Variants in SPON1 observed in about 807,000 individuals in gnomAD.
The protein encoded by SPON1 is spondin 1.
In SPON1, 52 loss-of-function variants were observed where a neutral mutation model predicts 111.7. That is an observed-to-expected ratio of 0.47 (90% confidence interval 0.37 to 0.59). The LOEUF (loss-of-function observed/expected upper bound fraction) is 0.59. SPON1 is among the 20% of genes least tolerant of loss of function. The pLI is 0.00. For synonymous variants in SPON1, 410 were observed against 395.8 expected (o/e 1.04, Z -0.43); for missense variants, 957 against 1,068.5 (o/e 0.90, Z 1.46).
At chr11:14,106,919 GAA>G in intron 5 of SPON1, among the ~76,000 whole-genome samples, 1 of 152,262 alleles carries the variant, frequency 6.6e-6, no homozygotes, top group South Asian at 2.1e-4. Flanking sequence ...CCACTGGAAG[GAA>G]AAAGTGTGTG....
chr11:14,090,828 C>T (rs1554923227), intron 5 of SPON1, among the ~76,000 whole-genome samples: 206 of 3,770 alleles, frequency 0.055, 27 homozygotes, highest in African/African-American at 0.1. Flanking sequence ...TATCTGGCCC[C>T]CCCCCCCCCC....
At chr11:14,255,626 C>A (rs782729106) in intron 8 of SPON1, 21 bp from the exon 9 acceptor site, 1 of 1,611,678 alleles carries the variant, frequency 6.2e-7, no homozygotes, top group Non-Finnish European at 8.5e-7. Flanking sequence ...TTACTCTCTA[C>A]CTCTGTATGT....
intron 2 of SPON1, among the ~76,000 whole-genome samples, chr11:14,035,024 T>A (rs1554916465): frequency 1.3e-5 from 2 of 152,174 alleles, no homozygotes; most frequent in Non-Finnish European, 2.9e-5. Flanking sequence ...TACCCTCACG[T>A]CAACAAAGCT....
intron 5 of SPON1, among the ~76,000 whole-genome samples, chr11:14,089,090 G>A (rs1849029786): frequency 6.6e-6 from 1 of 151,982 alleles, no homozygotes; most frequent in Admixed American, 6.6e-5. Context: ...CTTTACCTCA[G>A]AGGAGTTTGT....
rs540502333 is a variant in SPON1, at chr11:14,174,774, A to G, written c.825+39206A>G. Among the ~76,000 whole-genome samples, 10 of 152,306 alleles carry G rather than the reference A, an allele frequency of 6.6e-5. No individual in the cohort carries two copies. The East Asian group carries it at 9.6e-4, about 15-fold the overall frequency. The stretch of plus-strand genomic sequence containing the variant: ...AGAAAAACATAAAGGCCTTTTAAAT[A>G]TATCTGTAGCTTGTTTATCCACTTT... On this transcript the variant is annotated intron_variant, in intron 6 of 15. Transcript: ENST00000576479.
In SPON1 at chr11:14,145,241, C is replaced by G. The variant is rs556426206; in HGVS notation, c.825+9673C>G. Among the ~76,000 whole-genome samples the G allele has an allele frequency of 6.6e-5, 10 of 152,314 alleles. No individual in the cohort carries two copies. The South Asian group carries it at 1.9e-3, about 28-fold the overall frequency. ...TGCCTGTTCTTTAATAAAACTGGCA[C>G]AGGCTGCCTTTGCTGGAAGGGTATA... On this transcript the variant is annotated intron_variant, in intron 6 of 15. Transcript: ENST00000576479.
At chr11:14,073,321 A>C (rs1043320613) in intron 3 of SPON1, among the ~76,000 whole-genome samples, 5 of 152,192 alleles carry the variant, frequency 3.3e-5, no homozygotes, top group Non-Finnish European at 7.3e-5. Flanking sequence ...TAAATGTTTT[A>C]ACTGTGACCT....
At chr11:14,166,992 T>C (rs1167153949) in intron 6 of SPON1, among the ~76,000 whole-genome samples, 1 of 152,006 alleles carries the variant, frequency 6.6e-6, no homozygotes, top group Non-Finnish European at 1.5e-5. Context: ...AAAGACACAA[T>C]TGACAAGGAA....
chr11:14,190,966 G>A (rs1338215105), intron 6 of SPON1, among the ~76,000 whole-genome samples: 2 of 151,592 alleles, frequency 1.3e-5, no homozygotes, highest in African/African-American at 2.4e-5. Context: ...TTTAAATAAT[G>A]CTGAAAACAA....
chr11:13,985,371 G>A (rs1370930122), intron 2 of SPON1, among the ~76,000 whole-genome samples: 2 of 152,182 alleles, frequency 1.3e-5, no homozygotes, highest in Non-Finnish European at 2.9e-5. Flanking sequence ...GTTCTGAGTG[G>A]TTTATATTTG....
rs1192137547 is a variant in SPON1, at chr11:14,075,323, C to T, written c.480-22C>T. 3 of 1,549,698 alleles carry T rather than the reference C, an allele frequency of 1.9e-6. No individual in the cohort carries two copies. The South Asian group carries it at 3.6e-5, about 18-fold the overall frequency. On this transcript the variant is annotated intron_variant, in intron 3 of 15. Transcript: ENST00000576479. ...CCTTCCTGCCCTCCTCACCACTGTG[C>T]TTGGGTCTTCTTTCTTCACAGGGCC... is the stretch of plus-strand genomic sequence containing the variant.
chr11:14,001,852 TAGA>T (rs1396842306), intron 2 of SPON1, among the ~76,000 whole-genome samples: 4 of 151,994 alleles, frequency 2.6e-5, no homozygotes, highest in Non-Finnish European at 5.9e-5. Flanking sequence ...GAGAAAAGAA[TAGA>T]AGAAATATTT....
chr11:14,032,412 C>T (rs1554916174), intron 2 of SPON1, among the ~76,000 whole-genome samples: 1 of 152,134 alleles, frequency 6.6e-6, no homozygotes, highest in African/African-American at 2.4e-5. Context: ...AAGTGTCTTC[C>T]TCCCATGTTA....
chr11:14,262,837 G>A lies in SPON1; in HGVS notation c.2122G>A (p.Glu708Lys), dbSNP rs1390491069. 3 of 1,613,936 alleles carry A rather than the reference G, an allele frequency of 1.9e-6. No individual in the cohort carries two copies. The highest frequency in any genetic ancestry group is 1.3e-5 in the African/African-American group (1 of 75,022). The change falls in exon 15 of 16, where the codon GAG (glutamate) becomes AAG (lysine). Residue 708 changes from glutamate (E) to lysine (K), a missense_variant. By Grantham distance (56) the Glu-to-Lys change is moderately conservative. Around this residue, in one of 5 missense-constraint regions of SPON1, gnomAD observed 549 missense variants for 606.2 expected, o/e 0.91. Coordinates refer to ENST00000576479, the MANE Select transcript of SPON1 (RefSeq NM_006108.4). ...EPQFGGAPCP[E>K]TVQRKKCRIR... ...TCAGTTTGGAGGTGCACCCTGCCCA[G>A]AGACTGTGCAGCGAAAAAAGTGCCG... is the stretch of plus-strand genomic sequence containing the variant.
At chr11:13,988,704 T>G (rs1554910718) in intron 2 of SPON1, among the ~76,000 whole-genome samples, 1 of 152,220 alleles carries the variant, frequency 6.6e-6, no homozygotes, top group Non-Finnish European at 1.5e-5. Context: ...TAGCTCTTAT[T>G]ATTTTGAGAT....
chr11:13,963,109 C>G lies in SPON1; in HGVS notation c.205C>G (p.Pro69Ala). The G allele has an allele frequency of 6.5e-7, 1 of 1,536,294 alleles. No homozygotes were observed. The highest frequency in any genetic ancestry group is 8.7e-7 in the Non-Finnish European group (1 of 1,142,920). ...TEFSLRVEGDPDFYKPGTSYR... is the reference protein window; with the variant it reads ...TEFSLRVEGDADFYKPGTSYR... ...GTTCAGCCTCCGCGTGGAGGGCGAC[C>G]CCGACTTCTACAAGCCGGGAACCAG... Residue 69 changes from proline to alanine, a missense_variant, in exon 1 of 16, where the codon CCC becomes GCC. Transcript: ENST00000576479.
chr11:14,181,597 G>T (rs781896254), intron 6 of SPON1, among the ~76,000 whole-genome samples: 11 of 152,202 alleles, frequency 7.2e-5, no homozygotes, highest in Non-Finnish European at 1.2e-4. Flanking sequence ...AGTGGAAAAA[G>T]GTCTAAGGGC....
intron 2 of SPON1, among the ~76,000 whole-genome samples, chr11:14,010,252 C>A (rs1207699747): frequency 1.3e-5 from 2 of 151,980 alleles, no homozygotes; most frequent in African/African-American, 4.8e-5. Flanking sequence ...GGACAGAGGG[C>A]AGGCTGGATA....
intron 6 of SPON1, among the ~76,000 whole-genome samples, chr11:14,204,733 G>A (rs1189309033): frequency 6.6e-6 from 1 of 151,844 alleles, no homozygotes; most frequent in African/African-American, 2.4e-5. Context: ...TTGCCAGGCT[G>A]CAGTGCAGTG....
Sources: allele counts gnomAD v4.1 joint callset (sites outside exome capture counted in the v4.1 genomes callset), GRCh38; gene constraint gnomAD v4.1.1; regional missense constraint gnomAD v4.1.1; transcripts MANE v1.5; gene names NCBI Gene and HGNC (gene_info 2026-07-23, HGNC 2026-07-21).